PDGFRL: variants seen among roughly 807,000 people sequenced by gnomAD.
The protein encoded by PDGFRL is platelet-derived growth factor receptor-like protein.
A neutral mutation model predicts 37.2 loss-of-function variants in PDGFRL; 46 were observed. That is an observed-to-expected ratio of 1.24 (90% CI 0.98 to 1.58). PDGFRL has a LOEUF of 1.58. PDGFRL is among the 40% of genes most tolerant of loss of function. PDGFRL has a pLI of 0.00. For missense variants in PDGFRL, 692 were observed against 467.6 expected, an observed-to-expected ratio of 1.48 and a Z score of -4.43; for synonymous variants, 251 against 184.3, an observed-to-expected ratio of 1.36 and a Z score of -2.93.
At chr8:17,626,749 C>T (rs10097011) in intron 3 of PDGFRL, among the ~76,000 whole-genome samples, 22,383 of 152,114 alleles carry the variant, frequency 0.15, 2,520 homozygotes, top group African/African-American at 0.32. Flanking sequence ...AAAAGAAAAG[C>T]CACCAGCACC....
intron 2 of PDGFRL, among the ~76,000 whole-genome samples, chr8:17,592,994 T>A (rs761454986): frequency 6.6e-6 from 1 of 152,024 alleles, no homozygotes; most frequent in East Asian, 1.9e-4. Flanking sequence ...AATAGACGTA[T>A]AAGTGATATT....
At chr8:17,620,699 CG>C (rs1483328038) in intron 2 of PDGFRL, among the ~76,000 whole-genome samples, 1 of 151,968 alleles carries the variant, frequency 6.6e-6, no homozygotes, top group African/African-American at 2.4e-5. Context: ...TCCAGAAATA[CG>C]GTTATGAATA....
chr8:17,633,979 A>C, intron 4 of PDGFRL, 95 bp from the exon 5 acceptor site: 1 of 1,284,108 alleles, frequency 7.8e-7, no homozygotes, highest in Non-Finnish European at 1.1e-6. Flanking sequence ...AAGGCAGAAA[A>C]TTCCATCTCT....
At chr8:17,638,491 T>C (rs1805018328) in intron 5 of PDGFRL, among the ~76,000 whole-genome samples, 2 of 151,926 alleles carry the variant, frequency 1.3e-5, no homozygotes, top group South Asian at 4.2e-4. Context: ...GAATGTTCCA[T>C]GTGCTGATGA....
At chr8:17,598,855 C>T (rs989052276) in intron 2 of PDGFRL, among the ~76,000 whole-genome samples, 1 of 152,124 alleles carries the variant, frequency 6.6e-6, no homozygotes, top group Non-Finnish European at 1.5e-5. Context: ...TAAGGGGAAA[C>T]CCATTTCTCT....
intron 5 of PDGFRL, among the ~76,000 whole-genome samples, chr8:17,636,184 T>G (rs1804966667): frequency 1.3e-5 from 2 of 152,264 alleles, no homozygotes; most frequent in Admixed American, 6.5e-5. Context: ...ATGAACTCTT[T>G]GCCTAAGCCA....
chr8:17,601,028 G>T (rs1323721017), intron 2 of PDGFRL, among the ~76,000 whole-genome samples: 2 of 152,068 alleles, frequency 1.3e-5, no homozygotes, highest in Non-Finnish European at 2.9e-5. Context: ...TCCACACCTG[G>T]TCATCCTCCT....
At chr8:17,581,197 A>G (rs924458763) in intron 1 of PDGFRL, among the ~76,000 whole-genome samples, 7 of 152,262 alleles carry the variant, frequency 4.6e-5, no homozygotes, top group African/African-American at 1.7e-4. Context: ...GTTTGAATGG[A>G]TAGCCATAAG....
chr8:17,587,952 T>C (rs1224198626), intron 1 of PDGFRL, among the ~76,000 whole-genome samples: 1 of 152,068 alleles, frequency 6.6e-6, no homozygotes, highest in East Asian at 1.9e-4. Context: ...TTCATTCTTG[T>C]TGAGTGGACA....
chr8:17,637,873 C>T (rs1022991247), intron 5 of PDGFRL, among the ~76,000 whole-genome samples: 3 of 151,904 alleles, frequency 2.0e-5, no homozygotes, highest in African/African-American at 7.3e-5. Context: ...TTCACAGTAG[C>T]CTTGAATTAT....
chr8:17,638,763 AT>A lies in PDGFRL; in HGVS notation c.940-3849del, dbSNP rs1563532461. On this transcript the variant is annotated intron_variant, in intron 5 of 5. Transcript: ENST00000251630. ...CATATATATATATATATATATATATATATATATATATATATATATATATAAT... is the reference window on the plus strand; with the variant it reads ...CATATATATATATATATATATATATAATATATATATATATATATATATAAT... 1.5e-4 allele frequency among the ~76,000 whole-genome samples: 17 copies of A among 115,692 alleles called. 2 individuals carry two copies. The highest frequency in any genetic ancestry group is 6.0e-4 in the Admixed American group (7 of 11,684). The allele number at this position is 115,692 out of a possible 152,430, so 75.9% of individuals were successfully genotyped here. A position where few individuals can be genotyped will look rare whatever the true frequency, so the allele number is the denominator to read the frequency against.
intron 4 of PDGFRL, among the ~76,000 whole-genome samples, chr8:17,633,180 G>A (rs915493387): frequency 2.6e-5 from 4 of 152,102 alleles, no homozygotes; most frequent in African/African-American, 9.7e-5. Flanking sequence ...TGTAATCCCA[G>A]CACTATGGGA....
chr8:17,608,286 C>T (rs1228794205), intron 2 of PDGFRL, among the ~76,000 whole-genome samples: 1 of 152,210 alleles, frequency 6.6e-6, no homozygotes, highest in Non-Finnish European at 1.5e-5. Flanking sequence ...TACATTGGAG[C>T]AGAGGTCAGA....
chr8:17,617,424 G>A (rs1003017335), intron 2 of PDGFRL, among the ~76,000 whole-genome samples: 1 of 152,154 alleles, frequency 6.6e-6, no homozygotes, highest in Admixed American at 6.5e-5. Context: ...CAGAAAGGAA[G>A]GGTCTTTGAT....
chr8:17,633,976 AAAATTC>A, intron 4 of PDGFRL, 92 bp from the exon 5 acceptor site: 1 of 1,272,770 alleles, frequency 7.9e-7, no homozygotes, highest in Middle Eastern at 1.9e-4. Context: ...AGAAAGGCAG[AAAATTC>A]CATCTCTCTC....
intron 3 of PDGFRL, among the ~76,000 whole-genome samples, chr8:17,625,616 A>G (rs1804718385): frequency 6.6e-6 from 1 of 152,252 alleles, no homozygotes. Flanking sequence ...TACGGATTGC[A>G]AATATATTTT....
upstream of PDGFRL, chr8:17,577,166 G>C (rs547597559): frequency 6.5e-7 from 1 of 1,542,790 alleles, no homozygotes; most frequent in African/African-American, 1.4e-5. Context: ...GGCGTCCCAG[G>C]AGCCCGCCCC....
intron 2 of PDGFRL, among the ~76,000 whole-genome samples, chr8:17,609,878 A>C (rs1031127843): frequency 6.6e-6 from 1 of 152,136 alleles, no homozygotes; most frequent in Admixed American, 6.6e-5. Flanking sequence ...CTACACCAAG[A>C]AAACAGTTTG....
intron 1 of PDGFRL, among the ~76,000 whole-genome samples, chr8:17,577,613 C>T (rs558115160): frequency 6.6e-6 from 1 of 151,678 alleles, no homozygotes; most frequent in Non-Finnish European, 1.5e-5. Flanking sequence ...CCTGGTCCAG[C>T]CCCCAGTGTC....
Sources: allele counts gnomAD v4.1 joint callset (sites outside exome capture counted in the v4.1 genomes callset), GRCh38; gene constraint gnomAD v4.1.1; transcripts MANE v1.5; gene names NCBI Gene and HGNC (gene_info 2026-07-23, HGNC 2026-07-21).